Variants in CNTNAP4 observed in about 807,000 individuals in gnomAD.
CNTNAP4 encodes contactin-associated protein-like 4.
In CNTNAP4, 98 loss-of-function variants were observed where a neutral mutation model predicts 148.4. The ratio of observed to expected loss-of-function variants is 0.66; its 90% CI spans 0.56 to 0.78. The LOEUF (loss-of-function observed/expected upper bound fraction) is 0.78, where lower values mean the gene tolerates loss of function less well. CNTNAP4 is among the 30% of genes least tolerant of loss of function. The probability of loss-of-function intolerance (pLI) is 0.00; values close to 1 mark genes in which losing one functional copy is unlikely to be tolerated. For synonymous variants in CNTNAP4, 730 were observed against 565.1 expected (o/e 1.29, Z -4.14); for missense variants, 1,935 against 1,565.6 (o/e 1.24, Z -3.98).
chr16:76,342,895 C>G (rs1452044112), intron 2 of CNTNAP4, among the ~76,000 whole-genome samples: 1 of 152,144 alleles, frequency 6.6e-6, no homozygotes, highest in Admixed American at 6.6e-5. Flanking sequence ...GTAATAGATT[C>G]TCCATTTTGC....
At chr16:76,529,198 G>A (rs755679403) in intron 17 of CNTNAP4, among the ~76,000 whole-genome samples, 1 of 152,020 alleles carries the variant, frequency 6.6e-6, no homozygotes, top group African/African-American at 2.4e-5. Flanking sequence ...GTTCTTAGTT[G>A]TGACATTGGG....
At position 76,558,683 on chromosome 16, in the gene CNTNAP4, A is replaced by G. The variant is rs774352715; in HGVS notation, c.3927A>G (p.Ter1309TrpextTer6). The change falls in exon 24 of 24, where the codon TGA becomes TGG. Residue 1309 changes from the stop codon to tryptophan, a stop_lost. Transcript: ENST00000611870. ...VNENQKEYFF[*>W] ...AAAATCAGAAAGAGTACTTCTTCTG[A>G]TTGGCAGCTATGATTTAACATAAAA... 3 of 1,596,208 alleles carry G rather than the reference A, an allele frequency of 1.9e-6. No homozygotes were observed. Among genetic ancestry groups the G allele is most frequent in the Non-Finnish European group, 2.6e-6 (3 of 1,171,124 alleles).
intron 4 of CNTNAP4, among the ~76,000 whole-genome samples, chr16:76,443,096 A>G (rs1286887012): frequency 7.2e-5 from 11 of 152,128 alleles, no homozygotes; most frequent in Non-Finnish European, 2.9e-5. Flanking sequence ...ATTAATCTCG[A>G]TAATAACCCA....
intron 19 of CNTNAP4, 112 bp from the exon 20 acceptor site, chr16:76,539,607 A>T (rs929003615): frequency 1.1e-5 from 10 of 897,104 alleles, no homozygotes; most frequent in Non-Finnish European, 1.5e-5. Context: ...GGTATCTTCC[A>T]ATTTTTCCCT....
intron 1 of CNTNAP4, among the ~76,000 whole-genome samples, chr16:76,311,314 C>A (rs1214238235): frequency 6.6e-6 from 1 of 151,998 alleles, no homozygotes; most frequent in Non-Finnish European, 1.5e-5. Flanking sequence ...TTTGTATATA[C>A]AATCTGCCAG....
At chr16:76,475,033 G>A (rs1370519539) in intron 10 of CNTNAP4, among the ~76,000 whole-genome samples, 1 of 152,176 alleles carries the variant, frequency 6.6e-6, no homozygotes, top group Non-Finnish European at 1.5e-5. Context: ...GGTGGCACAA[G>A]CCTGTAATCC....
intron 12 of CNTNAP4, among the ~76,000 whole-genome samples, chr16:76,489,116 G>A (rs751901729): frequency 2.0e-5 from 3 of 152,052 alleles, no homozygotes; most frequent in Non-Finnish European, 4.4e-5. Context: ...GGTATATAGA[G>A]GGCTACAAAA....
chr16:76,341,971 C>G (rs920728224), intron 2 of CNTNAP4, among the ~76,000 whole-genome samples: 1 of 152,204 alleles, frequency 6.6e-6, no homozygotes, highest in African/African-American at 2.4e-5. Flanking sequence ...TTGGTCATGA[C>G]TTCTGATCTA....
intron 3 of CNTNAP4, among the ~76,000 whole-genome samples, chr16:76,359,098 A>G (rs1479793165): frequency 1.3e-5 from 2 of 152,202 alleles, no homozygotes; most frequent in Admixed American, 6.5e-5. Flanking sequence ...GCATTTTTTA[A>G]GCAGAAGAAC....
At chr16:76,283,295 C>A (rs1958759327) in intron 1 of CNTNAP4, among the ~76,000 whole-genome samples, 1 of 151,872 alleles carries the variant, frequency 6.6e-6, no homozygotes, top group Admixed American at 6.6e-5. Flanking sequence ...ATCATATGAC[C>A]TTTAGGTTGC....
intron 3 of CNTNAP4, among the ~76,000 whole-genome samples, chr16:76,422,114 C>G (rs1597484893): frequency 2.6e-5 from 4 of 152,118 alleles, no homozygotes; most frequent in Admixed American, 1.3e-4. Flanking sequence ...AATTCATTAA[C>G]TCCATAAATT....
intron 7 of CNTNAP4, among the ~76,000 whole-genome samples, 194 bp from the exon 8 acceptor site, chr16:76,452,314 A>T (rs1476883647): frequency 6.6e-6 from 1 of 152,216 alleles, no homozygotes; most frequent in Non-Finnish European, 1.5e-5. Flanking sequence ...ATTAAAGTTG[A>T]GAAATGGAGA....
intron 2 of CNTNAP4, among the ~76,000 whole-genome samples, chr16:76,333,396 G>C (rs1426495459): frequency 3.9e-5 from 6 of 152,082 alleles, no homozygotes; most frequent in African/African-American, 1.2e-4. Context: ...ATTCATTTCA[G>C]TTGTTGTACT....
At chr16:76,444,643 G>T (rs941705096) in intron 4 of CNTNAP4, among the ~76,000 whole-genome samples, 4 of 151,986 alleles carry the variant, frequency 2.6e-5, no homozygotes, top group Non-Finnish European at 5.9e-5. Flanking sequence ...TGTTTAAGAT[G>T]ATTTTTAAAG....
intron 2 of CNTNAP4, among the ~76,000 whole-genome samples, chr16:76,334,056 G>A (rs536706194): frequency 7.2e-5 from 11 of 151,830 alleles, no homozygotes; most frequent in African/African-American, 2.7e-4. Context: ...ATGAGTTCAT[G>A]TCCTTTGTAG....
intron 21 of CNTNAP4, among the ~76,000 whole-genome samples, chr16:76,548,508 G>T (rs952715236): frequency 3.3e-5 from 5 of 151,146 alleles, no homozygotes; most frequent in African/African-American, 1.2e-4. Context: ...AAAAACAGTC[G>T]TTTCTCTGTA....
intron 15 of CNTNAP4, among the ~76,000 whole-genome samples, chr16:76,511,713 C>T (rs145232214): frequency 5.3e-4 from 81 of 151,946 alleles, no homozygotes; most frequent in African/African-American, 1.9e-3. Flanking sequence ...TCTTTTTCTT[C>T]TTCCTCCTCT....
rs559954024 is a variant in CNTNAP4 at position 76,301,237 on chromosome 16, C to T, written c.86-15176C>T. ...ATTTTTAAGCAGCTGTCTTGAAAAA[C>T]AAAATGACAAATGGTGGCTACTTGT... On this transcript the variant is annotated intron_variant, in intron 1 of 23. Coordinates refer to ENST00000611870, the MANE Select transcript of CNTNAP4 (RefSeq NM_033401.5). Among the ~76,000 whole-genome samples the T allele has an allele frequency of 2.6e-5, 4 of 152,182 alleles. No individual in the cohort carries two copies. In the East Asian group the frequency reaches 7.7e-4, roughly 29 times the overall value.
At chr16:76,436,014 A>G (rs1230711958) in intron 4 of CNTNAP4, among the ~76,000 whole-genome samples, 1 of 151,960 alleles carries the variant, frequency 6.6e-6, no homozygotes, top group Non-Finnish European at 1.5e-5. Context: ...GCACCTCCTC[A>G]TGGGTCACAC....
Sources: allele counts gnomAD v4.1 joint callset (sites outside exome capture counted in the v4.1 genomes callset), GRCh38; gene constraint gnomAD v4.1.1; transcripts MANE v1.5; gene names NCBI Gene and HGNC (gene_info 2026-07-23, HGNC 2026-07-21).